The following KAZN variants were observed in gnomAD, a reference collection of about 807,000 sequenced individuals.
KAZN encodes kazrin.
KAZN carries 40 observed loss-of-function variants against 87.4 expected under a neutral mutation model. The ratio of observed to expected loss-of-function variants is 0.46; its 90% CI spans 0.36 to 0.60. KAZN has a LOEUF of 0.60. Among genes scored for constraint, KAZN ranks in the 20% least tolerant of loss-of-function variants. KAZN has a pLI of 0.00. For synonymous variants in KAZN, 466 were observed against 458.3 expected (o/e 1.02, Z -0.22); for missense variants, 898 against 1,073.9 (o/e 0.84, Z 2.29).
At chr1:14,806,954 T>C (rs925023992) in intron 1 of KAZN, among the ~76,000 whole-genome samples, 1 of 152,212 alleles carries the variant, frequency 6.6e-6, no homozygotes. Context: ...GAGCTTTGTG[T>C]CAGGACTCCC....
intron 1 of KAZN, among the ~76,000 whole-genome samples, chr1:14,070,182 T>TAAAAAAAAAAAAAAAAAAAAAAAAAAAA (rs1570664847): frequency 7.6e-5 from 7 of 91,746 alleles, no homozygotes; most frequent in Non-Finnish European, 1.1e-4. Context: ...AAAAAAAAAG[T>TAAAAAAAAAAAAAAAAAAAAAAAAAAAA]AAATAAATAA....
intron 1 of KAZN, among the ~76,000 whole-genome samples, chr1:14,729,803 C>T (rs183990175): frequency 1.3e-5 from 2 of 152,170 alleles, no homozygotes; most frequent in East Asian, 1.9e-4. Flanking sequence ...AGCCTGTTTC[C>T]GTGTGGCCTA....
chr1:14,953,534 C>T lies in KAZN; in HGVS notation c.227-7150C>T, dbSNP rs543453943. Reference sequence around the variant, plus strand: ...TAAACTGTGGATGATAAAATAGGATCTGCTTCATGGAGCTACTGTGAGAAT... The same window carrying T: ...TAAACTGTGGATGATAAAATAGGATTTGCTTCATGGAGCTACTGTGAGAAT... On this transcript the variant is annotated intron_variant, in intron 1 of 14. Coordinates refer to ENST00000376030, the MANE Select transcript of KAZN (RefSeq NM_201628.3). Among the ~76,000 whole-genome samples the T allele has an allele frequency of 3.9e-5, 6 of 152,324 alleles. No individual in the cohort carries two copies. The South Asian group carries it at 6.2e-4, about 16-fold the overall frequency.
rs542568802 is a variant in KAZN, at chr1:14,050,901, G to A, written c.92-129534G>A. ...GTATTGTCTGGAAAATCCATAACAT[G>A]TATTATGACAAACAAGCATCATTTG... is the stretch of plus-strand genomic sequence containing the variant. On this transcript the variant is annotated intron_variant, in intron 1 of 16. Transcript: ENST00000636203. Among the ~76,000 whole-genome samples the A allele has an allele frequency of 5.3e-5, 8 of 152,324 alleles. 1 individual carries two copies. In the South Asian group the frequency reaches 1.2e-3, roughly 24 times the overall value.
At chr1:14,712,846 C>T (rs763257470) in intron 1 of KAZN, among the ~76,000 whole-genome samples, 2 of 152,188 alleles carry the variant, frequency 1.3e-5, no homozygotes, top group African/African-American at 4.8e-5. Flanking sequence ...TGTCTTCTCA[C>T]CCCCCACCTT....
chr1:14,278,001 A>G (rs1471730493), intron 2 of KAZN, among the ~76,000 whole-genome samples: 1 of 151,160 alleles, frequency 6.6e-6, no homozygotes, highest in East Asian at 2.0e-4. Flanking sequence ...TTGCTCCCAA[A>G]CCTGACTGGT....
chr1:14,966,496 A>G (rs1383544693), intron 2 of KAZN, among the ~76,000 whole-genome samples: 1 of 152,110 alleles, frequency 6.6e-6, no homozygotes, highest in Non-Finnish European at 1.5e-5. Flanking sequence ...TGGAGAAGGA[A>G]GGATTATATT....
At chr1:14,657,303 G>A (rs112017718) in intron 1 of KAZN, among the ~76,000 whole-genome samples, 7,287 of 152,112 alleles carry the variant, frequency 0.048, 248 homozygotes, top group Middle Eastern at 0.078. Context: ...GGCTGGTCTC[G>A]AACTCCCGAC....
At chr1:13,948,069 G>T (rs1172203872) in intron 1 of KAZN, among the ~76,000 whole-genome samples, 1 of 152,154 alleles carries the variant, frequency 6.6e-6, no homozygotes, top group East Asian at 1.9e-4. Context: ...ATCCTTAATG[G>T]CAAAGACTGC....
rs12032937 is a variant in KAZN at position 14,812,154 on chromosome 1, C to T, written c.227-148530C>T. On this transcript the variant is annotated intron_variant, in intron 1 of 14. Coordinates refer to ENST00000376030, the MANE Select transcript of KAZN (RefSeq NM_201628.3). ...TCCTCAGAATATTGAGGTAGCATTG[C>T]TTTGAAGGGTGTCCCAGGATTAGTC... is the stretch of plus-strand genomic sequence containing the variant. Among the ~76,000 whole-genome samples, 405 of 152,200 alleles carry T rather than the reference C, an allele frequency of 2.7e-3. 6 individuals carry two copies. The East Asian group carries it at 0.031, about 12-fold the overall frequency.
At chr1:14,842,620 C>T (rs1460723128) in intron 1 of KAZN, among the ~76,000 whole-genome samples, 2 of 152,206 alleles carry the variant, frequency 1.3e-5, no homozygotes, top group Non-Finnish European at 2.9e-5. Context: ...ATTACATTGC[C>T]ATTACTCATT....
chr1:14,218,799 A>T (rs1394841677), intron 2 of KAZN, among the ~76,000 whole-genome samples: 3 of 152,120 alleles, frequency 2.0e-5, no homozygotes, highest in Non-Finnish European at 4.4e-5. Flanking sequence ...AGATGAGTGA[A>T]TTTTATCTTT....
intron 1 of KAZN, among the ~76,000 whole-genome samples, chr1:14,824,919 T>A (rs1646840492): frequency 1.3e-5 from 2 of 152,254 alleles, no homozygotes; most frequent in East Asian, 3.9e-4. Flanking sequence ...AGTGGCCTCT[T>A]GGGGGAAGAC....
At chr1:14,808,153 T>A (rs1038181877) in intron 1 of KAZN, among the ~76,000 whole-genome samples, 1 of 152,158 alleles carries the variant, frequency 6.6e-6, no homozygotes, top group East Asian at 1.9e-4. Flanking sequence ...ATAGAGATTG[T>A]GAGCATGAAA....
chr1:14,417,182 TA>T (rs59936555), intron 2 of KAZN, among the ~76,000 whole-genome samples: 63,311 of 133,114 alleles, frequency 0.48, 13,788 homozygotes, highest in African/African-American at 0.54. Flanking sequence ...TGTCTCAAAA[TA>T]AAAAAAAAAA....
chr1:14,546,208 C>A (rs1019628963), intron 2 of KAZN, among the ~76,000 whole-genome samples: 2 of 152,198 alleles, frequency 1.3e-5, no homozygotes, highest in Non-Finnish European at 2.9e-5. Flanking sequence ...TTCTTTCCAA[C>A]TACGATATTC....
intron 1 of KAZN, among the ~76,000 whole-genome samples, chr1:14,905,611 T>C (rs972842371): frequency 3.0e-4 from 45 of 151,718 alleles, no homozygotes; most frequent in African/African-American, 9.2e-4. Context: ...TTTGGGAGGC[T>C]GAGGAGGGCG....
At chr1:14,477,946 C>G (rs1224318194) in intron 2 of KAZN, among the ~76,000 whole-genome samples, 1 of 152,180 alleles carries the variant, frequency 6.6e-6, no homozygotes. Context: ...CAGAAAAGCC[C>G]TGTATGCCAA....
rs1638247828 is a variant in KAZN at position 15,056,069 on chromosome 1, C to T, written c.727-22C>T. ...TTCCCCTTGATCATGACTTCTTCTT[C>T]CTGTCTTCTTGCTCTCTCCAGGCCA... On this transcript the variant is annotated intron_variant, in intron 4 of 14. Transcript: ENST00000376030. The surrounding 1 kb of genome is among the most constrained non-coding windows in gnomAD (Gnocchi z 5.4). 1 of 1,583,660 alleles carries T rather than the reference C, an allele frequency of 6.3e-7. No homozygotes were observed. Among genetic ancestry groups the T allele is most frequent in the Non-Finnish European group, 8.6e-7 (1 of 1,157,268 alleles).
Sources: allele counts gnomAD v4.1 joint callset (sites outside exome capture counted in the v4.1 genomes callset), GRCh38; gene constraint gnomAD v4.1.1; non-coding constraint Gnocchi (gnomAD v3.1); transcripts MANE v1.5; gene names NCBI Gene and HGNC (gene_info 2026-07-23, HGNC 2026-07-21).